Variants in LRRC7 observed in about 807,000 individuals in gnomAD.
The protein encoded by LRRC7 is leucine-rich repeat-containing protein 7.
LRRC7 carries 23 observed loss-of-function variants against 175.7 expected under a neutral mutation model. The ratio of observed to expected loss-of-function variants is 0.13; its 90% CI spans 0.09 to 0.19. The LOEUF (loss-of-function observed/expected upper bound fraction) is 0.19, where lower values mean the gene tolerates loss of function less well. LRRC7 is among the 10% of genes least tolerant of loss of function. The pLI, the probability that LRRC7 is intolerant of heterozygous loss-of-function variation, is 1.00. For synonymous variants in LRRC7, 685 were observed against 680.9 expected (o/e 1.01, Z -0.09); for missense variants, 1,354 against 1,904.7 (o/e 0.71, Z 5.38).
intron 7 of LRRC7, among the ~76,000 whole-genome samples, chr1:69,929,514 A>G (rs1185934195): frequency 1.3e-5 from 2 of 152,208 alleles, no homozygotes; most frequent in African/African-American, 4.8e-5. Flanking sequence ...TTTAGTTCTT[A>G]TCTTAACTAT....
rs756045617 is a variant in LRRC7 at position 70,038,532 on chromosome 1, C to T, written c.2708C>T (p.Thr903Ile). 1.9e-6 allele frequency: 3 copies of T among 1,614,040 alleles called. No individual in the cohort carries two copies. Among genetic ancestry groups the T allele is most frequent in the African/African-American group, 1.3e-5 (1 of 75,006 alleles). ...GCTTTTCCTTCCAAATTAGAGACAACCCCCACTACCAGCCCATTGCCTGAA... is the reference window on the plus strand; with the variant it reads ...GCTTTTCCTTCCAAATTAGAGACAATCCCCACTACCAGCCCATTGCCTGAA... ...RTAFPSKLET[T>I]PTTSPLPERK... is the part of the protein sequence containing the mutation. Residue 903 changes from threonine (T) to isoleucine (I), a missense_variant, in exon 21 of 27, where the codon ACC (threonine) becomes ATC (isoleucine). This residue lies in a region of LRRC7 where 1,032 missense variants were observed against 1,227.2 expected (regional missense o/e 0.84). Coordinates refer to ENST00000651989, the MANE Select transcript of LRRC7 (RefSeq NM_001370785.2).
intron 5 of LRRC7, among the ~76,000 whole-genome samples, chr1:69,828,058 T>G (rs180799464): frequency 6.6e-5 from 10 of 152,242 alleles, no homozygotes; most frequent in Non-Finnish European, 1.2e-4. Flanking sequence ...CTTCTTTTAC[T>G]TAACATAATG....
chr1:69,740,241 C>A (rs1668560913), intron 2 of LRRC7, among the ~76,000 whole-genome samples: 1 of 152,012 alleles, frequency 6.6e-6, no homozygotes, highest in African/African-American at 2.4e-5. Context: ...CCAAGAACAA[C>A]GTGCTAGCAG....
intron 7 of LRRC7, among the ~76,000 whole-genome samples, chr1:69,912,545 AG>A (rs1316998193): frequency 6.6e-6 from 1 of 152,204 alleles, no homozygotes; most frequent in African/African-American, 2.4e-5. Flanking sequence ...CTGACAGAGT[AG>A]CCCCCCACCC....
chr1:69,598,489 G>A (rs1164761983), intron 1 of LRRC7, among the ~76,000 whole-genome samples: 2 of 152,106 alleles, frequency 1.3e-5, no homozygotes, highest in African/African-American at 2.4e-5. Context: ...GGAAGAGTGT[G>A]TGGGTCCAAA....
intron 9 of LRRC7, among the ~76,000 whole-genome samples, chr1:69,982,767 T>C (rs1653561945): frequency 6.6e-6 from 1 of 152,240 alleles, no homozygotes; most frequent in Non-Finnish European, 1.5e-5. Context: ...TTGTGGCTTC[T>C]ACTCTTTCCA....
rs535570456 is a variant in LRRC7 at position 69,581,779 on chromosome 1, A to AT, written c.2+13147dup. Among the ~76,000 whole-genome samples the AT allele has an allele frequency of 2.2e-3, 329 of 151,466 alleles. 1 individual carries two copies. Among genetic ancestry groups the AT allele is most frequent in the Non-Finnish European group, 3.3e-3 (225 of 67,772 alleles). ...ATATTGCTATCTTGGCTTTGTTTTA[A>AT]TTTTTTTTTGGCATGAAAAGAAAAT... On this transcript the variant is annotated intron_variant, in intron 1 of 26. Transcript: ENST00000651989.
At chr1:69,910,701 T>C (rs1296696721) in intron 7 of LRRC7, among the ~76,000 whole-genome samples, 4 of 152,228 alleles carry the variant, frequency 2.6e-5, no homozygotes, top group African/African-American at 9.6e-5. Context: ...AGCTGCATGC[T>C]GGGAGAACCA....
chr1:69,939,015 C>CTATATCTATATATATA (rs1648375733), intron 8 of LRRC7, among the ~76,000 whole-genome samples: 1 of 52,688 alleles, frequency 1.9e-5, no homozygotes, highest in African/African-American at 5.4e-5. Context: ...ATATATATAT[C>CTATATCTATATATATA]TATATATATA....
At chr1:69,840,288 T>G (rs991299285) in intron 7 of LRRC7, among the ~76,000 whole-genome samples, 4 of 152,032 alleles carry the variant, frequency 2.6e-5, no homozygotes, top group Middle Eastern at 3.2e-3. Context: ...CTATGTATTA[T>G]ACCTTTTGAT....
At chr1:69,967,837 C>T (rs1039166609) in intron 8 of LRRC7, among the ~76,000 whole-genome samples, 11 of 152,080 alleles carry the variant, frequency 7.2e-5, no homozygotes, top group Non-Finnish European at 1.5e-4. Flanking sequence ...TTCAACAGAG[C>T]CTACCCAAAT....
intron 18 of LRRC7, among the ~76,000 whole-genome samples, chr1:70,033,360 TATAG>T (rs1312278846): frequency 2.6e-5 from 4 of 152,118 alleles, no homozygotes; most frequent in Non-Finnish European, 5.9e-5. Flanking sequence ...ACAAGGATAA[TATAG>T]ATAGAGTGTT....
At chr1:70,056,097 G>T (rs1661128530) in intron 23 of LRRC7, among the ~76,000 whole-genome samples, 1 of 152,204 alleles carries the variant, frequency 6.6e-6, no homozygotes, top group African/African-American at 2.4e-5. Flanking sequence ...TAGCTTTAAG[G>T]CATCCGAGTG....
chr1:69,750,578 G>C lies in LRRC7; in HGVS notation c.101-9613G>C, dbSNP rs190146160. ...TTGTGCTGCTATAATGAAATACTGA[G>C]TAATTTATAAGCTGTGGAAATTTAT... On this transcript the variant is annotated intron_variant, in intron 2 of 26. Coordinates refer to ENST00000651989, the MANE Select transcript of LRRC7 (RefSeq NM_001370785.2). Among the ~76,000 whole-genome samples, 10 of 152,274 alleles carry C rather than the reference G, an allele frequency of 6.6e-5. No homozygotes were observed. The East Asian group carries it at 1.9e-3, about 29-fold the overall frequency.
chr1:69,589,170 G>C (rs187403044), intron 1 of LRRC7, among the ~76,000 whole-genome samples: 290 of 151,660 alleles, frequency 1.9e-3, no homozygotes, highest in Non-Finnish European at 1.8e-3. Context: ...GTGTGTGTGT[G>C]AGAGAGAGAG....
chr1:69,569,747 C>G (rs1645658772), intron 1 of LRRC7, among the ~76,000 whole-genome samples: 1 of 151,992 alleles, frequency 6.6e-6, no homozygotes, highest in Admixed American at 6.6e-5. Context: ...CTGGCTGTCT[C>G]TTCCCCATCA....
At chr1:69,597,747 T>G (rs1480224194) in intron 1 of LRRC7, among the ~76,000 whole-genome samples, 1 of 152,220 alleles carries the variant, frequency 6.6e-6, no homozygotes, top group Non-Finnish European at 1.5e-5. Flanking sequence ...GACATTCTTC[T>G]AGATAGACAT....
chr1:69,831,725 A>G (rs1413566187), intron 5 of LRRC7, among the ~76,000 whole-genome samples: 1 of 152,102 alleles, frequency 6.6e-6, no homozygotes, highest in Non-Finnish European at 1.5e-5. Flanking sequence ...ACAGAATTCA[A>G]CTCCAAAATA....
intron 11 of LRRC7, among the ~76,000 whole-genome samples, chr1:70,005,170 T>C (rs1249584449): frequency 6.6e-6 from 1 of 152,128 alleles, no homozygotes; most frequent in Non-Finnish European, 1.5e-5. Flanking sequence ...ATTTTATCGG[T>C]GAGAAAACAG....
Sources: gnomAD v4.1 joint callset for allele counts (sites outside exome capture counted in the v4.1 genomes callset) on GRCh38, gnomAD v4.1.1 for gene constraint, gnomAD v4.1.1 regional missense constraint, MANE v1.5 for transcripts, NCBI Gene and HGNC (gene_info 2026-07-23, HGNC 2026-07-21) for gene names.